PTPRD: variants seen among roughly 807,000 people sequenced by gnomAD.
PTPRD encodes receptor-type tyrosine-protein phosphatase delta.
In PTPRD, 34 loss-of-function variants were observed where a neutral mutation model predicts 214.5. The observed-to-expected ratio is 0.16, with a 90% CI of 0.12 to 0.21. The LOEUF (loss-of-function observed/expected upper bound fraction) is 0.21. Ranked by LOEUF, PTPRD falls within the 10% of genes least tolerant of loss-of-function variation. PTPRD has a pLI of 1.00. For missense variants in PTPRD, 2,545 were observed against 2,398.7 expected (o/e 1.06, Z -1.27); for synonymous variants, 1,128 against 845.7 (o/e 1.33, Z -5.79).
intron 2 of PTPRD, among the ~76,000 whole-genome samples, chr9:10,353,412 G>C (rs1597857933): frequency 6.6e-6 from 1 of 151,900 alleles, no homozygotes; most frequent in South Asian, 2.1e-4. Flanking sequence ...GCACTTTTCA[G>C]TCATCAATAT....
At chr9:9,770,998 A>G (rs1258187798) in intron 5 of PTPRD, among the ~76,000 whole-genome samples, 1 of 152,174 alleles carries the variant, frequency 6.6e-6, no homozygotes, top group Non-Finnish European at 1.5e-5. Context: ...TTTGACTACA[A>G]TAAGAGGTAT....
At chr9:8,852,095 C>T (rs1317384092) in intron 11 of PTPRD, among the ~76,000 whole-genome samples, 12 of 151,988 alleles carry the variant, frequency 7.9e-5, no homozygotes, top group African/African-American at 2.9e-4. Context: ...ACTTGTGATC[C>T]AATCATTACA....
At chr9:8,334,741 C>A (rs2131895577) in intron 43 of PTPRD, among the ~76,000 whole-genome samples, 1 of 109,304 alleles carries the variant, frequency 9.1e-6, no homozygotes, top group South Asian at 2.6e-4. Context: ...ATCAATGAAT[C>A]CAGGAGCTGG....
At chr9:9,907,495 T>G (rs532794230) in intron 5 of PTPRD, among the ~76,000 whole-genome samples, 4 of 152,146 alleles carry the variant, frequency 2.6e-5, no homozygotes, top group Non-Finnish European at 5.9e-5. Context: ...TGTCCTCACA[T>G]GACATTTACT....
chr9:9,272,133 T>C (rs896592923), intron 9 of PTPRD, among the ~76,000 whole-genome samples: 2 of 151,222 alleles, frequency 1.3e-5, no homozygotes, highest in African/African-American at 4.8e-5. Flanking sequence ...TCACAAGTTC[T>C]AAAAGTCTGC....
At chr9:10,127,455 G>C (rs543990336) in intron 3 of PTPRD, among the ~76,000 whole-genome samples, 1 of 152,108 alleles carries the variant, frequency 6.6e-6, no homozygotes, top group East Asian at 1.9e-4. Context: ...TAGAGAGCAA[G>C]ACAGACATAT....
At chr9:8,370,117 TAAATAG>T (rs1228789906) in intron 39 of PTPRD, among the ~76,000 whole-genome samples, 4 of 151,910 alleles carry the variant, frequency 2.6e-5, no homozygotes, top group Non-Finnish European at 5.9e-5. Flanking sequence ...CTCAGTTTAA[TAAATAG>T]AAAGTTCTGC....
chr9:8,440,937 C>T (rs2095527385), intron 34 of PTPRD, among the ~76,000 whole-genome samples: 1 of 152,038 alleles, frequency 6.6e-6, no homozygotes, highest in African/African-American at 2.4e-5. Flanking sequence ...CTACATAAGC[C>T]CAGACAGTAA....
intron 11 of PTPRD, among the ~76,000 whole-genome samples, chr9:8,775,802 A>G (rs114975632): frequency 1.1e-3 from 166 of 151,480 alleles, no homozygotes; most frequent in African/African-American, 3.8e-3. Context: ...TGGACAACAT[A>G]CTGAGGCCAA....
At chr9:8,411,526 A>G (rs1017907269) in intron 35 of PTPRD, among the ~76,000 whole-genome samples, 3 of 152,076 alleles carry the variant, frequency 2.0e-5, no homozygotes, top group African/African-American at 7.2e-5. Flanking sequence ...CTAGTCTCGA[A>G]CTCATGACCT....
chr9:8,865,774 A>G (rs1285950365), intron 11 of PTPRD, among the ~76,000 whole-genome samples: 2 of 152,108 alleles, frequency 1.3e-5, no homozygotes, highest in African/African-American at 4.8e-5. Flanking sequence ...CCTCTTATTG[A>G]GACTGTGCTG....
Position 9,967,963 on chromosome 9 carries a change from A to T in PTPRD, c.-471-29353T>A, listed in dbSNP as rs147719598. On this transcript the variant is annotated intron_variant, in intron 4 of 45. Transcript: ENST00000381196. Reference sequence around the variant, plus strand: ...AGAAAAATTTGTCACAAAATTTTAGAATTTGATATCCACATTAGAGAAGCT... The same window carrying T: ...AGAAAAATTTGTCACAAAATTTTAGTATTTGATATCCACATTAGAGAAGCT... Among the ~76,000 whole-genome samples the T allele has an allele frequency of 3.4e-3, 513 of 152,282 alleles. 4 individuals carry two copies. Among genetic ancestry groups the T allele is most frequent in the Middle Eastern group, 0.031 (9 of 294 alleles).
chr9:9,700,025 A>T (rs1376812914), intron 7 of PTPRD, among the ~76,000 whole-genome samples: 2 of 152,176 alleles, frequency 1.3e-5, no homozygotes, highest in East Asian at 3.8e-4. Flanking sequence ...TTGGATTTGA[A>T]TAAGAAAATA....
At chr9:8,380,653 G>C (rs537279124) in intron 37 of PTPRD, among the ~76,000 whole-genome samples, 1 of 152,078 alleles carries the variant, frequency 6.6e-6, no homozygotes, top group Admixed American at 6.6e-5. Context: ...TCAAAATCAA[G>C]TTGATGGAAT....
intron 2 of PTPRD, among the ~76,000 whole-genome samples, chr9:10,542,149 C>A (rs2059251178): frequency 6.6e-6 from 1 of 152,072 alleles, no homozygotes; most frequent in South Asian, 2.1e-4. Context: ...TAATCAAAAT[C>A]TACTTGCAGT....
intron 9 of PTPRD, among the ~76,000 whole-genome samples, chr9:9,356,428 T>A (rs1025656280): frequency 6.6e-6 from 1 of 151,394 alleles, no homozygotes; most frequent in African/African-American, 2.4e-5. Context: ...CAGTCTATTG[T>A]ATAATAAACA....
intron 3 of PTPRD, among the ~76,000 whole-genome samples, chr9:10,183,266 G>C (rs1038493098): frequency 6.6e-6 from 1 of 152,052 alleles, no homozygotes; most frequent in Admixed American, 6.6e-5. Flanking sequence ...GAAAAACAGA[G>C]GACTATGATT....
At chr9:9,549,375 G>C (rs764956727) in intron 8 of PTPRD, among the ~76,000 whole-genome samples, 1 of 151,964 alleles carries the variant, frequency 6.6e-6, no homozygotes, top group Non-Finnish European at 1.5e-5. Flanking sequence ...TATCTGAAAA[G>C]ACATTTTAAA....
chr9:10,474,722 A>T (rs751601497), intron 2 of PTPRD, among the ~76,000 whole-genome samples: 7 of 152,128 alleles, frequency 4.6e-5, no homozygotes, highest in Non-Finnish European at 7.3e-5. Flanking sequence ...AAAACAGACC[A>T]CATAATTTGA....
Sources: allele counts gnomAD v4.1 joint callset (sites outside exome capture counted in the v4.1 genomes callset), GRCh38; gene constraint gnomAD v4.1.1; transcripts MANE v1.5; gene names NCBI Gene and HGNC (gene_info 2026-07-23, HGNC 2026-07-21).